PPP2R2B: variants seen among roughly 807,000 people sequenced by gnomAD.
The protein encoded by PPP2R2B is serine/threonine-protein phosphatase 2A 55 kDa regulatory subunit B beta isoform.
Under a neutral mutation model 46.0 loss-of-function variants are expected in PPP2R2B, and 5 were observed. That is an observed-to-expected ratio of 0.11 (90% CI 0.06 to 0.23). The LOEUF is 0.23. Among genes scored for constraint, PPP2R2B ranks in the 10% least tolerant of loss-of-function variants. PPP2R2B has a pLI of 1.00. For synonymous variants in PPP2R2B, 215 were observed against 206.7 expected, an observed-to-expected ratio of 1.04 and a Z score of -0.34; for missense variants, 367 against 575.0, an observed-to-expected ratio of 0.64 and a Z score of 3.70.
chr5:146,714,961 A>T (rs1220787522), intron 2 of PPP2R2B, among the ~76,000 whole-genome samples: 2 of 152,112 alleles, frequency 1.3e-5, no homozygotes, highest in Admixed American at 6.6e-5. Flanking sequence ...CTATCTGCCT[A>T]CCAGGCAGAA....
At chr5:146,843,352 A>T (rs1759785051) in intron 2 of PPP2R2B, among the ~76,000 whole-genome samples, 1 of 152,234 alleles carries the variant, frequency 6.6e-6, no homozygotes, top group Non-Finnish European at 1.5e-5. Flanking sequence ...GGAAGCTTAC[A>T]ATCAAATTGC....
intron 2 of PPP2R2B, among the ~76,000 whole-genome samples, chr5:146,874,221 T>C (rs143057627): frequency 1.3e-5 from 2 of 152,356 alleles, no homozygotes; most frequent in Non-Finnish European, 2.9e-5. Context: ...CTTTGCTAGA[T>C]TGAAAGATCC....
At chr5:146,890,029 C>T (rs73796024) in intron 1 of PPP2R2B, among the ~76,000 whole-genome samples, 13 of 152,262 alleles carry the variant, frequency 8.5e-5, no homozygotes, top group African/African-American at 2.6e-4. Flanking sequence ...TGATCACATC[C>T]GCACACACAC....
chr5:146,718,973 G>A (rs1780642821), intron 2 of PPP2R2B, among the ~76,000 whole-genome samples: 1 of 152,170 alleles, frequency 6.6e-6, no homozygotes, highest in Non-Finnish European at 1.5e-5. Context: ...GGCTGAAATA[G>A]CAGCTACTTA....
At chr5:146,780,100 C>G (rs1755419682) in intron 2 of PPP2R2B, among the ~76,000 whole-genome samples, 3 of 152,124 alleles carry the variant, frequency 2.0e-5, no homozygotes, top group Admixed American at 6.5e-5. Context: ...ACACTTGTCT[C>G]TTTGTATGTG....
chr5:146,931,569 G>A (rs1763970847), intron 1 of PPP2R2B, among the ~76,000 whole-genome samples: 1 of 152,118 alleles, frequency 6.6e-6, no homozygotes, highest in African/African-American at 2.4e-5. Context: ...CTTGGCTTTT[G>A]AGGCATTTCA....
At chr5:146,708,183 C>G (rs966196747) in intron 2 of PPP2R2B, among the ~76,000 whole-genome samples, 10 of 151,838 alleles carry the variant, frequency 6.6e-5, no homozygotes, top group African/African-American at 2.2e-4. Flanking sequence ...TGGTGAAACA[C>G]CATTTCTACC....
rs557724496 is a variant in PPP2R2B at position 146,776,778 on chromosome 5, A to C, written c.71-75636T>G. 1.8e-4 allele frequency among the ~76,000 whole-genome samples: 27 copies of C among 152,242 alleles called. No homozygotes were observed. The South Asian group carries it at 5.6e-3, about 32-fold the overall frequency. ...AAGGTTTTAATATCCAGAGTAAAAA[A>C]ATAACTCTTATAACTCAGCAACAAA... On this transcript the variant is annotated intron_variant, in intron 2 of 9. Transcript: ENST00000394411.
chr5:146,856,799 C>G (rs1189600402), intron 2 of PPP2R2B, among the ~76,000 whole-genome samples: 1 of 152,126 alleles, frequency 6.6e-6, no homozygotes, highest in Non-Finnish European at 1.5e-5. Context: ...AGTGGACTGC[C>G]TACTCACTTG....
chr5:146,709,024 G>C (rs1422531846), intron 2 of PPP2R2B, among the ~76,000 whole-genome samples: 1 of 152,198 alleles, frequency 6.6e-6, no homozygotes, highest in Non-Finnish European at 1.5e-5. Context: ...CCACATGCTT[G>C]CTATCCTTGA....
intron 9 of PPP2R2B, chr5:146,592,238 A>G (rs903133173): frequency 1.0e-5 from 4 of 381,170 alleles, no homozygotes; most frequent in African/African-American, 2.2e-5. Flanking sequence ...AAAGAAAGCC[A>G]AGAAACAGGT....
intron 2 of PPP2R2B, among the ~76,000 whole-genome samples, chr5:146,743,383 C>T (rs1418989129): frequency 3.3e-5 from 5 of 152,146 alleles, no homozygotes; most frequent in South Asian, 2.1e-4. Flanking sequence ...AACTATCATG[C>T]GAGGCTAAAG....
intron 2 of PPP2R2B, among the ~76,000 whole-genome samples, chr5:146,805,611 A>C (rs1238246245): frequency 6.6e-6 from 1 of 152,222 alleles, no homozygotes; most frequent in Non-Finnish European, 1.5e-5. Context: ...TCTTATGAAG[A>C]AATTCATTGA....
At chr5:146,661,684 G>A (rs1330645229) in intron 5 of PPP2R2B, among the ~76,000 whole-genome samples, 1 of 152,144 alleles carries the variant, frequency 6.6e-6, no homozygotes, top group Non-Finnish European at 1.5e-5. Flanking sequence ...ATAAAAAGGA[G>A]AGGAAAGATA....
intron 1 of PPP2R2B, among the ~76,000 whole-genome samples, chr5:146,952,659 T>C (rs1751667538): frequency 6.6e-6 from 1 of 152,166 alleles, no homozygotes. Flanking sequence ...CCAGGATCAG[T>C]TTCCGTTGCT....
At chr5:146,592,591 A>G (rs765706675) in intron 9 of PPP2R2B, among the ~76,000 whole-genome samples, 1 of 152,236 alleles carries the variant, frequency 6.6e-6, no homozygotes, top group Non-Finnish European at 1.5e-5. Flanking sequence ...AGCAGCTTCA[A>G]GGGATAATTT....
intron 2 of PPP2R2B, among the ~76,000 whole-genome samples, chr5:146,798,387 C>G (rs1756669563): frequency 6.6e-6 from 1 of 152,220 alleles, no homozygotes; most frequent in African/African-American, 2.4e-5. Flanking sequence ...TCCACAGCTT[C>G]CACAGTACTT....
intron 1 of PPP2R2B, among the ~76,000 whole-genome samples, chr5:147,005,921 C>A (rs1207399707): frequency 6.6e-6 from 1 of 152,136 alleles, no homozygotes; most frequent in East Asian, 1.9e-4. Flanking sequence ...TTCTCTGTAA[C>A]CCTATAACAC....
chr5:146,874,098 G>T (rs922100477), intron 2 of PPP2R2B, among the ~76,000 whole-genome samples: 7 of 152,186 alleles, frequency 4.6e-5, no homozygotes, highest in Non-Finnish European at 1.0e-4. Context: ...ATCTAAATTA[G>T]ATCCACCTTT....
Sources: allele counts gnomAD v4.1 joint callset (sites outside exome capture counted in the v4.1 genomes callset), GRCh38; gene constraint gnomAD v4.1.1; transcripts MANE v1.5; gene names NCBI Gene and HGNC (gene_info 2026-07-23, HGNC 2026-07-21).